Variants in CDH13 observed in about 807,000 individuals in gnomAD.
CDH13 encodes the protein cadherin 13, also known as cadherin-13.
Under a neutral mutation model 63.8 loss-of-function variants are expected in CDH13, and 24 were observed. That is an observed-to-expected ratio of 0.38 (90% confidence interval 0.27 to 0.53). The LOEUF (loss-of-function observed/expected upper bound fraction) is 0.53, where lower values mean the gene tolerates loss of function less well. Ranked by LOEUF, CDH13 falls within the 20% of genes least tolerant of loss-of-function variation. The pLI, the probability that CDH13 is intolerant of heterozygous loss-of-function variation, is 0.85. For synonymous variants in CDH13, 503 were observed against 355.3 expected (o/e 1.42, Z -4.67); for missense variants, 1,049 against 903.1 (o/e 1.16, Z -2.07).
chr16:82,843,948 T>A (rs1567592505), intron 1 of CDH13, among the ~76,000 whole-genome samples: 1 of 152,210 alleles, frequency 6.6e-6, no homozygotes, highest in Admixed American at 6.5e-5. Context: ...ATGTGGGTGA[T>A]CATGGAATGA....
intron 7 of CDH13, among the ~76,000 whole-genome samples, chr16:83,517,850 C>G (rs543937154): frequency 2.6e-5 from 4 of 152,236 alleles, no homozygotes; most frequent in African/African-American, 9.6e-5. Context: ...TCACTAAATG[C>G]AAGGCATTGG....
chr16:82,769,917 C>G (rs576702565), intron 1 of CDH13, among the ~76,000 whole-genome samples: 12 of 152,314 alleles, frequency 7.9e-5, no homozygotes, highest in Middle Eastern at 3.4e-3. Context: ...GATTAACGAG[C>G]CCATGAATGC....
rs181376008 is a variant in CDH13 at position 83,420,503 on chromosome 16, C to A, written c.782-65974C>A. 4.3e-4 allele frequency among the ~76,000 whole-genome samples: 65 copies of A among 152,340 alleles called. 1 individual carries two copies. The highest frequency in any genetic ancestry group is 1.5e-3 in the African/African-American group (63 of 41,578). ...AGCTGTGCTCTCTCTCGTAATAGTTCATTGCACAAGCATTCTCATGTGATA... is the reference window on the plus strand; with the variant it reads ...AGCTGTGCTCTCTCTCGTAATAGTTAATTGCACAAGCATTCTCATGTGATA... On this transcript the variant is annotated intron_variant, in intron 6 of 13. Coordinates refer to ENST00000567109, the MANE Select transcript of CDH13 (RefSeq NM_001257.5).
intron 2 of CDH13, among the ~76,000 whole-genome samples, chr16:83,018,758 T>C (rs1424254332): frequency 6.6e-6 from 1 of 152,222 alleles, no homozygotes; most frequent in African/African-American, 2.4e-5. Context: ...AACCTATGGC[T>C]CCTCGGCTAC....
At chr16:83,510,359 A>G (rs1377486942) in intron 7 of CDH13, among the ~76,000 whole-genome samples, 1 of 152,198 alleles carries the variant, frequency 6.6e-6, no homozygotes, top group African/African-American at 2.4e-5. Context: ...CCACCATTCC[A>G]CAATTGGACT....
At chr16:83,137,768 CGGTCCAATTACT>C (rs1338510489) in intron 4 of CDH13, among the ~76,000 whole-genome samples, 4 of 152,090 alleles carry the variant, frequency 2.6e-5, no homozygotes, top group Non-Finnish European at 4.4e-5. Flanking sequence ...GGCCTTTTCA[CGGTCCAATTACT>C]GGTCCAATTA....
intron 10 of CDH13, among the ~76,000 whole-genome samples, chr16:83,702,158 C>G (rs779459206): frequency 6.6e-6 from 1 of 152,114 alleles, no homozygotes. Context: ...GGGTGTAATA[C>G]AAAAATCTGA....
chr16:82,956,436 C>G (rs1161515334), intron 2 of CDH13, among the ~76,000 whole-genome samples: 8 of 152,144 alleles, frequency 5.3e-5, no homozygotes, highest in African/African-American at 1.9e-4. Flanking sequence ...TTTGGAACTC[C>G]TCATGGATCG....
intron 2 of CDH13, among the ~76,000 whole-genome samples, chr16:82,906,716 C>CG (rs1567649831): frequency 6.6e-6 from 1 of 152,144 alleles, no homozygotes; most frequent in Non-Finnish European, 1.5e-5. Flanking sequence ...TTCATGGTTT[C>CG]GGCAGGGCTG....
intron 7 of CDH13, among the ~76,000 whole-genome samples, chr16:83,566,185 A>T (rs1321825129): frequency 1.3e-5 from 2 of 152,110 alleles, no homozygotes; most frequent in African/African-American, 2.4e-5. Context: ...ATGTCCAGGC[A>T]TTGGATAATG....
At chr16:83,784,610 T>C (rs438787) in intron 13 of CDH13, among the ~76,000 whole-genome samples, 118,833 of 146,106 alleles carry the variant, frequency 0.81, 48,261 homozygotes, top group Admixed American at 0.84. Context: ...CCAACCTGGG[T>C]GACAGAGCAA....
rs180984555 is a variant in CDH13 at position 82,643,140 on chromosome 16, C to T, written c.45+16003C>T. ...TGGAGCTAGATAGTGGTGGTGATTA[C>T]ATTAGCTCTCTGTAAATAAACCCCA... On this transcript the variant is annotated intron_variant, in intron 1 of 13. Coordinates refer to ENST00000567109, the MANE Select transcript of CDH13 (RefSeq NM_001257.5). 9.2e-5 allele frequency among the ~76,000 whole-genome samples: 14 copies of T among 152,294 alleles called. No homozygotes were observed. The East Asian group carries it at 9.6e-4, about 10-fold the overall frequency.
chr16:82,717,189 G>C (rs1221752599), intron 1 of CDH13, among the ~76,000 whole-genome samples: 1 of 152,024 alleles, frequency 6.6e-6, no homozygotes, highest in Non-Finnish European at 1.5e-5. Flanking sequence ...GGCCCAACAA[G>C]GCTCCTGAAC....
intron 1 of CDH13, among the ~76,000 whole-genome samples, chr16:82,694,082 A>T (rs1466205167): frequency 6.6e-6 from 1 of 152,220 alleles, no homozygotes; most frequent in African/African-American, 2.4e-5. Flanking sequence ...GATCATAAAA[A>T]ATTCAGTGCC....
chr16:83,664,548 ATG>A (rs199808633), intron 8 of CDH13, among the ~76,000 whole-genome samples: 33 of 135,770 alleles, frequency 2.4e-4, no homozygotes, highest in Non-Finnish European at 5.3e-4. Flanking sequence ...CATATTATAT[ATG>A]TGTGTATATA....
chr16:83,723,539 C>G (rs1909966931), intron 10 of CDH13, among the ~76,000 whole-genome samples: 2 of 152,178 alleles, frequency 1.3e-5, no homozygotes, highest in Admixed American at 1.3e-4. Flanking sequence ...TTCAGTCTCA[C>G]TATCATCTCC....
chr16:82,868,096 C>A (rs4782736), intron 2 of CDH13, among the ~76,000 whole-genome samples: 112,022 of 152,092 alleles, frequency 0.74, 41,528 homozygotes, highest in East Asian at 0.85. Flanking sequence ...ATGTAACGTC[C>A]CCTGAACTGC....
At chr16:83,197,057 A>G (rs1386671464) in intron 4 of CDH13, among the ~76,000 whole-genome samples, 1 of 152,202 alleles carries the variant, frequency 6.6e-6, no homozygotes, top group Non-Finnish European at 1.5e-5. Flanking sequence ...CAACATGTGA[A>G]TGGTTAAACA....
At chr16:83,588,544 A>C (rs1906402448) in intron 7 of CDH13, among the ~76,000 whole-genome samples, 1 of 152,198 alleles carries the variant, frequency 6.6e-6, no homozygotes, top group Admixed American at 6.5e-5. Flanking sequence ...GGGGCAAGGC[A>C]CTGGGGCTAT....
Sources: allele counts gnomAD v4.1 joint callset (sites outside exome capture counted in the v4.1 genomes callset), GRCh38; gene constraint gnomAD v4.1.1; transcripts MANE v1.5; gene names NCBI Gene and HGNC (gene_info 2026-07-23, HGNC 2026-07-21).